The following KIF3A variants were observed in gnomAD, a reference collection of about 807,000 sequenced individuals.
KIF3A encodes the protein kinesin family member 3A, also known as kinesin-like protein KIF3A.
A neutral mutation model predicts 92.6 loss-of-function variants in KIF3A; 27 were observed. The ratio of observed to expected loss-of-function variants is 0.29; its 90% CI spans 0.21 to 0.40. The LOEUF (loss-of-function observed/expected upper bound fraction) is 0.40. KIF3A is among the 10% of genes least tolerant of loss of function. The probability of loss-of-function intolerance (pLI) is 1.00; values close to 1 mark genes in which losing one functional copy is unlikely to be tolerated. For synonymous variants in KIF3A, 250 were observed against 275.4 expected, an observed-to-expected ratio of 0.91 and a Z score of 0.92; for missense variants, 581 against 872.6, an observed-to-expected ratio of 0.67 and a Z score of 4.21.
intron 1 of KIF3A, 130 bp downstream of exon 1, chr5:132,737,284 C>T: frequency 9.4e-7 from 1 of 1,062,054 alleles, no homozygotes; most frequent in Non-Finnish European, 1.3e-6. Flanking sequence ...ACCACCTCCA[C>T]CGCACGACCG....
In KIF3A at chr5:132,699,159, G is replaced by A. The variant is rs1488320999; in HGVS notation, c.2132+12C>T. Reference sequence around the variant, plus strand: ...ATGCCTTCGTTTTACCAGATTCAAGGACAGTCCTTACCTTCTCCCTGTCTT... The same window carrying A: ...ATGCCTTCGTTTTACCAGATTCAAGAACAGTCCTTACCTTCTCCCTGTCTT... On this transcript the variant is annotated intron_variant, in intron 18 of 18. Transcript: ENST00000403231. 6.2e-7 allele frequency: 1 copy of A among 1,613,296 alleles called. No homozygotes were observed. The highest frequency in any genetic ancestry group is 1.7e-5 in the Admixed American group (1 of 59,954).
chr5:132,701,721 T>C (rs1298613058), intron 15 of KIF3A, among the ~76,000 whole-genome samples: 1 of 152,096 alleles, frequency 6.6e-6, no homozygotes, highest in Non-Finnish European at 1.5e-5. Flanking sequence ...GTAAATTTCA[T>C]GTTATCTATA....
At chr5:132,715,450 T>C (rs914344255) in intron 8 of KIF3A, among the ~76,000 whole-genome samples, 1 of 152,162 alleles carries the variant, frequency 6.6e-6, no homozygotes, top group Non-Finnish European at 1.5e-5. Flanking sequence ...ATACATACAT[T>C]GCAGAATTTG....
intron 17 of KIF3A, among the ~76,000 whole-genome samples, chr5:132,699,813 C>T (rs1180930631): frequency 2.0e-5 from 3 of 152,130 alleles, no homozygotes; most frequent in African/African-American, 4.8e-5. Context: ...CCACCCGCCT[C>T]GGCCTCCCAA....
At position 132,726,141 on chromosome 5, in the gene KIF3A, G is replaced by T; in HGVS notation, c.497C>A (p.Thr166Lys). The change falls in exon 4 of 19, where the codon ACA becomes AAA. Residue 166 changes from threonine (T) to lysine (K), a missense_variant. Physicochemically the swap from Thr to Lys is moderately conservative, Grantham distance 78 (BLOSUM62 -1). This residue lies in a region of KIF3A where 217 missense variants were observed against 299.7 expected (regional missense o/e 0.72). Transcript: ENST00000403231. ...AATTATCCTTACCTCTAACCTTTGTGTCTGATCCTTGCCCAAAAGGTCACG... is the reference window on the plus strand; with the variant it reads ...AATTATCCTTACCTCTAACCTTTGTTTCTGATCCTTGCCCAAAAGGTCACG... ...EVRDLLGKDQ[T>K]QRLEVKERPD... is the part of the protein sequence containing the mutation. 1 of 1,610,044 alleles carries T rather than the reference G, an allele frequency of 6.2e-7. No individual in the cohort carries two copies. Among genetic ancestry groups the T allele is most frequent in the Non-Finnish European group, 8.5e-7 (1 of 1,177,800 alleles).
chr5:132,718,420 C>T (rs547746911), intron 5 of KIF3A, among the ~76,000 whole-genome samples: 143 of 152,178 alleles, frequency 9.4e-4, no homozygotes, highest in African/African-American at 3.2e-3. Context: ...AGTGATCCTC[C>T]GGCCTCAACC....
In KIF3A at chr5:132,715,875, C is replaced by A. The variant is rs914291757; in HGVS notation, c.1011G>T (p.Arg337=). 3 of 1,607,186 alleles carry A rather than the reference C, an allele frequency of 1.9e-6. No individual in the cohort carries two copies. Among genetic ancestry groups the A allele is most frequent in the Non-Finnish European group, 1.7e-6 (2 of 1,175,500 alleles). Residue 337 remains arginine (R), a synonymous_variant, in exon 8 of 19, where the codon CGG becomes CGT. Transcript: ENST00000403231. ...YNYDETISTL[R]YANRAKNIKN... ...TAATATTCTTAGCACGATTGGCATA[C>A]CGTAATGTACTGATAGTTTCATCAT...
intron 11 of KIF3A, among the ~76,000 whole-genome samples, chr5:132,704,343 T>C (rs1216943168): frequency 6.6e-6 from 1 of 151,900 alleles, no homozygotes; most frequent in African/African-American, 2.4e-5. Context: ...CTTGTTATTA[T>C]GTCAAACTCA....
intron 1 of KIF3A, among the ~76,000 whole-genome samples, chr5:132,736,444 C>G (rs963450164): frequency 5.9e-5 from 9 of 152,162 alleles, no homozygotes; most frequent in African/African-American, 2.2e-4. Flanking sequence ...GGTTTTGTGT[C>G]TTACGTCTGT....
In KIF3A at chr5:132,696,676, A is replaced by ATGTT; in HGVS notation, c.2138_2139insAACA (p.Ser714ThrfsTer6). ...CAATTACAGTTTCAGGCTTTGCAGA[A>ATGTT]CGCTTTCTGTTTGGAGAAGAAAAAA... On this transcript the variant is annotated frameshift_variant, in exon 19 of 19. Transcript: ENST00000403231. LOFTEE classifies it high-confidence loss of function. 6.2e-7 allele frequency: 1 copy of ATGTT among 1,610,148 alleles called. No individual in the cohort carries two copies. Among genetic ancestry groups the ATGTT allele is most frequent in the Non-Finnish European group, 8.5e-7 (1 of 1,176,498 alleles).
At chr5:132,690,594 C>T (rs1350893909), downstream of KIF3A, among the ~76,000 whole-genome samples, 1 of 152,190 alleles carries the variant, frequency 6.6e-6, no homozygotes, top group African/African-American at 2.4e-5. Flanking sequence ...ATCAAAACAT[C>T]ACGATATATC....
At chr5:132,719,306 C>T (rs114761536) in intron 5 of KIF3A, among the ~76,000 whole-genome samples, 420 of 152,238 alleles carry the variant, frequency 2.8e-3, no homozygotes, top group African/African-American at 9.3e-3. Context: ...AGTTCTTCTA[C>T]GAATAACATA....
intron 10 of KIF3A, among the ~76,000 whole-genome samples, 167 bp from the exon 11 acceptor site, chr5:132,706,626 A>G (rs1016838763): frequency 6.6e-6 from 1 of 152,194 alleles, no homozygotes; most frequent in African/African-American, 2.4e-5. Flanking sequence ...ACTGAAATAG[A>G]GCCCATGTAA....
In KIF3A at chr5:132,716,776, T is replaced by G; in HGVS notation, c.756+69A>C. ...GTAAATCATACCTTTTCACTTTAATTTTCATTCATTTATAAAATAAATGGA... is the reference window on the plus strand; with the variant it reads ...GTAAATCATACCTTTTCACTTTAATGTTCATTCATTTATAAAATAAATGGA... On this transcript the variant is annotated intron_variant, in intron 6 of 18. Coordinates refer to ENST00000403231, the MANE Select transcript of KIF3A (RefSeq NM_001300791.2). The G allele has an allele frequency of 2.0e-6, 3 of 1,513,254 alleles. No individual in the cohort carries two copies. In the South Asian group the frequency reaches 3.5e-5, roughly 18 times the overall value. The allele number at this position is 1,513,254 out of a possible 1,614,324, so 93.7% of individuals were successfully genotyped here.
intron 4 of KIF3A, among the ~76,000 whole-genome samples, chr5:132,725,272 A>G (rs565689571): frequency 2.0e-5 from 3 of 152,290 alleles, no homozygotes; most frequent in Admixed American, 2.0e-4. Context: ...CATGAGGTCC[A>G]ACAAGCACAA....
At position 132,715,938 on chromosome 5, in the gene KIF3A, A is replaced by G. The variant is rs750639801; in HGVS notation, c.955-7T>C. 1.2e-5 allele frequency: 18 copies of G among 1,549,938 alleles called. No homozygotes were observed. The highest frequency in any genetic ancestry group is 1.5e-5 in the Non-Finnish European group (17 of 1,142,850). ...CTGGCCCAATATTTGCACACTATTG[A>G]ATTAGAAATATGAAACAAATCATTT... On this transcript the variant is annotated splice_region_variant and splice_polypyrimidine_tract_variant and intron_variant, in intron 7 of 18. Coordinates refer to ENST00000403231, the MANE Select transcript of KIF3A (RefSeq NM_001300791.2).
chr5:132,706,442 C>T lies in KIF3A; in HGVS notation c.1309+9G>A. On this transcript the variant is annotated intron_variant, in intron 11 of 18. Coordinates refer to ENST00000403231, the MANE Select transcript of KIF3A (RefSeq NM_001300791.2). ...TGTACCATGTGGAGTGCAAATCAATCACACCAACCTGCTTGATCTTGCAAT... is the reference window on the plus strand; with the variant it reads ...TGTACCATGTGGAGTGCAAATCAATTACACCAACCTGCTTGATCTTGCAAT... The T allele has an allele frequency of 6.5e-7, 1 of 1,538,850 alleles. No individual in the cohort carries two copies. Among genetic ancestry groups the T allele is most frequent in the South Asian group, 1.2e-5 (1 of 82,334 alleles).
chr5:132,696,893 C>T (rs921584179), intron 18 of KIF3A, among the ~76,000 whole-genome samples: 2 of 152,184 alleles, frequency 1.3e-5, no homozygotes, highest in African/African-American at 4.8e-5. Context: ...GATGGCAGCC[C>T]ACCCCATTAT....
At chr5:132,717,992 G>A (rs1753691510) in intron 5 of KIF3A, among the ~76,000 whole-genome samples, 1 of 151,814 alleles carries the variant, frequency 6.6e-6, no homozygotes, top group Non-Finnish European at 1.5e-5. Flanking sequence ...CATATTTCTG[G>A]TATTTGTTTT....
Sources: allele counts gnomAD v4.1 joint callset (sites outside exome capture counted in the v4.1 genomes callset), GRCh38; gene constraint gnomAD v4.1.1; regional missense constraint gnomAD v4.1.1; transcripts MANE v1.5; gene names NCBI Gene and HGNC (gene_info 2026-07-23, HGNC 2026-07-21).